DPEP2: variants seen among roughly 807,000 people sequenced by gnomAD.
DPEP2 encodes dipeptidase 2.
A neutral mutation model predicts 51.8 loss-of-function variants in DPEP2; 45 were observed. That is an observed-to-expected ratio of 0.87 (90% CI 0.68 to 1.11). DPEP2 has a LOEUF of 1.11. DPEP2 is among the 50% of genes most tolerant of loss of function. The pLI is 0.00. For synonymous variants in DPEP2, 255 were observed against 262.7 expected, an observed-to-expected ratio of 0.97 and a Z score of 0.28; for missense variants, 604 against 631.9, an observed-to-expected ratio of 0.96 and a Z score of 0.47.
chr16:67,987,651 A>G lies in DPEP2; in HGVS notation c.1316T>C (p.Leu439Pro). The change falls in exon 11 of 11, where the codon CTG (leucine) becomes CCG (proline). Residue 439 changes from leucine (L) to proline (P), a missense_variant. By Grantham distance (98) the Leu-to-Pro change is moderately conservative. Coordinates refer to ENST00000393847, the MANE Select transcript of DPEP2 (RefSeq NM_022355.4). Reference protein sequence around the residue: ...DLSRLRQRQSLTSGQELTEIP... With the variant: ...DLSRLRQRQSPTSGQELTEIP... Reference sequence around the variant, plus strand: ...CTCAGTGAGTTCCTGGCCTGAAGTCAGACTCTGTCTCTGACGCAGACGTGA... The same window carrying G: ...CTCAGTGAGTTCCTGGCCTGAAGTCGGACTCTGTCTCTGACGCAGACGTGA... 1 of 1,614,208 alleles carries G rather than the reference A, an allele frequency of 6.2e-7. No homozygotes were observed. Among genetic ancestry groups the G allele is most frequent in the Non-Finnish European group, 8.5e-7 (1 of 1,180,036 alleles).
At chr16:67,988,071 G>A in intron 9 of DPEP2, 84 bp from the exon 10 acceptor site, 1 of 1,570,572 alleles carries the variant, frequency 6.4e-7, no homozygotes, top group Non-Finnish European at 8.7e-7. Context: ...TGAAACCCCA[G>A]CCCTGGTCAG....
At chr16:67,993,938 C>T in intron 1 of DPEP2, 2 of 985,536 alleles carry the variant, frequency 2.0e-6, no homozygotes, top group Non-Finnish European at 2.4e-6. Context: ...CACTCCTCCG[C>T]CCCCCGCCCC....
At chr16:67,998,616 C>A (rs916640952) in intron 1 of DPEP2, among the ~76,000 whole-genome samples, 1 of 152,262 alleles carries the variant, frequency 6.6e-6, no homozygotes, top group African/African-American at 2.4e-5. Context: ...TGGCGCAGGA[C>A]TGGCAGGCAG....
intron 3 of DPEP2, 69 bp from the exon 4 acceptor site, chr16:67,992,262 C>G (rs923526912): frequency 2.0e-5 from 31 of 1,566,856 alleles, no homozygotes; most frequent in Non-Finnish European, 2.6e-5. Flanking sequence ...CTCACAGCCT[C>G]CACAGCTGAC....
intron 2 of DPEP2, 122 bp downstream of exon 2, chr16:67,992,828 C>A: frequency 2.0e-6 from 3 of 1,482,314 alleles, no homozygotes; most frequent in Non-Finnish European, 2.7e-6. Context: ...CCATGCATGA[C>A]GGGAGAGAGG....
At chr16:67,992,867 C>A in intron 2 of DPEP2, 83 bp downstream of exon 2, 1 of 1,510,280 alleles carries the variant, frequency 6.6e-7, no homozygotes, top group Non-Finnish European at 8.9e-7. Context: ...AGGGAGCCTC[C>A]TCCACAGCCC....
upstream of DPEP2, chr16:68,000,498 G>T: frequency 1.0e-6 from 1 of 985,254 alleles, no homozygotes; most frequent in Non-Finnish European, 1.2e-6. Flanking sequence ...AAGCCCCTCT[G>T]GTCCTGGAGA....
intron 1 of DPEP2, chr16:67,993,621 A>C: frequency 1.0e-6 from 1 of 992,064 alleles, no homozygotes; most frequent in Non-Finnish European, 1.2e-6. Flanking sequence ...CTTCCCCCAA[A>C]CAGTGGCCCT....
chr16:67,999,599 G>A (rs2032913149), upstream of DPEP2: 1 of 684,944 alleles, frequency 1.5e-6, no homozygotes, highest in Non-Finnish European at 1.8e-6. Context: ...GTGTTCATGT[G>A]AGCCCACGAT....
chr16:67,996,702 A>G (rs1043527326), intron 1 of DPEP2, among the ~76,000 whole-genome samples: 4 of 151,742 alleles, frequency 2.6e-5, no homozygotes, highest in African/African-American at 9.7e-5. Context: ...ATTTTTTTTT[A>G]AGCTTCTCTC....
chr16:67,992,017 TGGA>T (rs1280333031), intron 4 of DPEP2, 38 bp from the exon 5 acceptor site: 1 of 1,614,012 alleles, frequency 6.2e-7, no homozygotes. Context: ...TTTCCAGGGC[TGGA>T]GTAGCTCAAT....
rs752268573 is a variant in DPEP2 at position 67,992,085 on chromosome 16, C to T, written c.499G>A (p.Glu167Lys). 5 of 1,614,074 alleles carry T rather than the reference C, an allele frequency of 3.1e-6. No homozygotes were observed. In the East Asian group the frequency reaches 1.1e-4, roughly 36 times the overall value. ...RRMCASYSEL[E>K]LVTSAKALND... The stretch of plus-strand genomic sequence containing the variant: ...CTACCTTTAGCCGAGGTCACAAGCT[C>T]CAGCTCAGAATAGGAGGCACACATG... Residue 167 changes from glutamate to lysine, a missense_variant, in exon 4 of 11, where the codon GAG becomes AAG. Transcript: ENST00000393847.
chr16:67,991,212 C>G lies in DPEP2; in HGVS notation c.663-28G>C, dbSNP rs768056620. On this transcript the variant is annotated intron_variant, in intron 5 of 10. Transcript: ENST00000393847. The surrounding 1 kb of genome is among the most constrained non-coding windows in gnomAD (Gnocchi z 5.1). The stretch of plus-strand genomic sequence containing the variant: ...GCAGGGTGGCCAGGAAGCAGTCTGA[C>G]TGGTAGCTGTTCCTCGGCCTCAAGA... 2 of 1,611,222 alleles carry G rather than the reference C, an allele frequency of 1.2e-6. No homozygotes were observed. The highest frequency in any genetic ancestry group is 2.2e-4 in the Middle Eastern group (1 of 4,528).
chr16:67,988,518 G>A (rs981300530), intron 9 of DPEP2, among the ~76,000 whole-genome samples: 8 of 151,990 alleles, frequency 5.3e-5, no homozygotes, highest in South Asian at 2.1e-4. Context: ...CAGGAGAATC[G>A]CTGGAACTCA....
chr16:67,989,177 G>A (rs2151364957), intron 9 of DPEP2, 146 bp downstream of exon 9: 1 of 840,220 alleles, frequency 1.2e-6, no homozygotes, highest in Non-Finnish European at 1.9e-6. Context: ...CTAGAGTGGG[G>A]TCACTGGGAT....
Position 67,991,392 on chromosome 16 carries a change from T to C in DPEP2, c.663-208A>G, listed in dbSNP as rs2032139713. Among the ~76,000 whole-genome samples the C allele has an allele frequency of 6.9e-6, 1 of 144,908 alleles. No individual in the cohort carries two copies. The highest frequency in any genetic ancestry group is 2.2e-4 in the South Asian group (1 of 4,534). On this transcript the variant is annotated intron_variant, in intron 5 of 10. Coordinates refer to ENST00000393847, the MANE Select transcript of DPEP2 (RefSeq NM_022355.4). The surrounding 1 kb of genome is among the most constrained non-coding windows in gnomAD (Gnocchi z 5.1). Reference sequence around the variant, plus strand: ...TTTCTTTTTTTTTTTTTTTTGGCAATAGAGTCTCGCTCTGTCACCCAGGCA... The same window carrying C: ...TTTCTTTTTTTTTTTTTTTTGGCAACAGAGTCTCGCTCTGTCACCCAGGCA...
intron 7 of DPEP2, 46 bp from the exon 8 acceptor site, chr16:67,990,177 C>T (rs1316857363): frequency 1.3e-6 from 2 of 1,584,582 alleles, no homozygotes; most frequent in Admixed American, 1.7e-5. Context: ...CCTCAGCAAA[C>T]TGCATTCCTG....
chr16:67,992,018 G>A (rs747865010), intron 4 of DPEP2, 39 bp from the exon 5 acceptor site: 3 of 1,613,954 alleles, frequency 1.9e-6, no homozygotes, highest in Admixed American at 1.7e-5. Flanking sequence ...TTCCAGGGCT[G>A]GAGTAGCTCA....
intron 9 of DPEP2, 57 bp downstream of exon 9, chr16:67,989,266 G>A (rs117782866): frequency 0.037 from 59,166 of 1,588,326 alleles, 1,328 homozygotes; most frequent in Middle Eastern, 0.1. Flanking sequence ...TATGGTGACC[G>A]TGAAGGCCCC....
Sources: allele counts gnomAD v4.1 joint callset (sites outside exome capture counted in the v4.1 genomes callset), GRCh38; gene constraint gnomAD v4.1.1; non-coding constraint Gnocchi (gnomAD v3.1); transcripts MANE v1.5; gene names NCBI Gene and HGNC (gene_info 2026-07-23, HGNC 2026-07-21).